ROR2: variants seen among roughly 807,000 people sequenced by gnomAD.
ROR2 encodes the protein ROR family WNT receptor 2.
A neutral mutation model predicts 74.9 loss-of-function variants in ROR2; 33 were observed. The observed-to-expected ratio is 0.44, with a 90% CI of 0.33 to 0.59. ROR2 has a LOEUF of 0.59. ROR2 is among the 20% of genes least tolerant of loss of function. The pLI is 0.02. For missense variants in ROR2, 1,216 were observed against 1,313.8 expected, an observed-to-expected ratio of 0.93 and a Z score of 1.15; for synonymous variants, 586 against 558.7, an observed-to-expected ratio of 1.05 and a Z score of -0.69.
intron 1 of ROR2, among the ~76,000 whole-genome samples, chr9:91,882,325 C>A (rs1830135534): frequency 6.6e-6 from 1 of 151,396 alleles, no homozygotes; most frequent in Non-Finnish European, 1.5e-5. Flanking sequence ...GCAGGAGAAT[C>A]ACTTGAACCC....
intron 1 of ROR2, among the ~76,000 whole-genome samples, chr9:91,799,381 C>T (rs141246271): frequency 3.9e-5 from 6 of 152,296 alleles, no homozygotes; most frequent in Admixed American, 1.3e-4. Context: ...TGGACAGTGC[C>T]GAGACGGGGG....
intron 1 of ROR2, among the ~76,000 whole-genome samples, chr9:91,815,234 T>G (rs768216097): frequency 5.9e-5 from 9 of 152,224 alleles, no homozygotes; most frequent in Non-Finnish European, 8.8e-5. Flanking sequence ...ATAAATGATA[T>G]GCATTACATT....
chr9:91,760,897 T>C (rs1479896959), intron 2 of ROR2, among the ~76,000 whole-genome samples: 1 of 152,176 alleles, frequency 6.6e-6, no homozygotes, highest in African/African-American at 2.4e-5. Context: ...TATTTTTAGG[T>C]AGATTTCTAG....
chr9:91,792,516 G>C (rs997284306), intron 1 of ROR2, among the ~76,000 whole-genome samples: 3 of 152,092 alleles, frequency 2.0e-5, no homozygotes, highest in Non-Finnish European at 2.9e-5. Flanking sequence ...CACCGTGTTA[G>C]CCAAGATGGT....
At chr9:91,930,475 T>G (rs114066081) in intron 1 of ROR2, among the ~76,000 whole-genome samples, 2,173 of 152,344 alleles carry the variant, frequency 0.014, 64 homozygotes, top group African/African-American at 0.049. Context: ...TAAAAACCCC[T>G]TCTCTCCTTT....
rs1027690845 is a variant in ROR2, at chr9:91,905,117, CAT to C, written c.97+44748_97+44749del. ...CACAAAACTCATACACCACAAACCACATATCACACACACACCCCCCACACAAA... is the reference window on the plus strand; with the variant it reads ...CACAAAACTCATACACCACAAACCACATCACACACACACCCCCCACACAAA... On this transcript the variant is annotated intron_variant, in intron 1 of 8. Transcript: ENST00000375708. The surrounding 1 kb of genome is among the most constrained non-coding windows in gnomAD (Gnocchi z 5.3). Among the ~76,000 whole-genome samples, 3 of 151,546 alleles carry C rather than the reference CAT, an allele frequency of 2.0e-5. No individual in the cohort carries two copies. The highest frequency in any genetic ancestry group is 2.9e-5 in the Non-Finnish European group (2 of 67,890).
At chr9:91,751,586 A>C (rs1248172925) in intron 4 of ROR2, among the ~76,000 whole-genome samples, 1 of 152,226 alleles carries the variant, frequency 6.6e-6, no homozygotes, top group East Asian at 1.9e-4. Context: ...AATATTAAAA[A>C]TAGAGAACTA....
At chr9:91,741,857 CTT>C (rs1238888233) in intron 4 of ROR2, among the ~76,000 whole-genome samples, 1 of 152,186 alleles carries the variant, frequency 6.6e-6, no homozygotes, top group African/African-American at 2.4e-5. Flanking sequence ...ACTCAATACT[CTT>C]TACTTTGAAT....
chr9:91,794,611 GTC>G (rs1371850573), intron 1 of ROR2, among the ~76,000 whole-genome samples: 1 of 152,012 alleles, frequency 6.6e-6, no homozygotes, highest in Non-Finnish European at 1.5e-5. Flanking sequence ...TTGAGGCAGA[GTC>G]TCTGTCACCC....
intron 1 of ROR2, among the ~76,000 whole-genome samples, chr9:91,884,930 G>A (rs1830228509): frequency 1.3e-5 from 2 of 152,104 alleles, no homozygotes; most frequent in African/African-American, 4.8e-5. Flanking sequence ...AGTTGGTTGG[G>A]GAGACCATTT....
rs141222129 is a variant in ROR2 at position 91,903,371 on chromosome 9, T to C, written c.97+46496A>G. 2.2e-3 allele frequency among the ~76,000 whole-genome samples: 339 copies of C among 152,172 alleles called. 1 individual carries two copies. The highest frequency in any genetic ancestry group is 7.9e-3 in the African/African-American group (327 of 41,526). ...TGGGAAGGGTGATCTGCTCCAGTTC[T>C]TCCCATCGGGCATCAACTCACTTCT... On this transcript the variant is annotated intron_variant, in intron 1 of 8. Coordinates refer to ENST00000375708, the MANE Select transcript of ROR2 (RefSeq NM_004560.4).
chr9:91,900,732 TA>T (rs1210659865), intron 1 of ROR2, among the ~76,000 whole-genome samples: 3 of 152,168 alleles, frequency 2.0e-5, no homozygotes, highest in Non-Finnish European at 4.4e-5. Context: ...ACCACAGGCT[TA>T]AAAGTCCTTC....
At chr9:91,882,878 C>T (rs1830158095) in intron 1 of ROR2, among the ~76,000 whole-genome samples, 1 of 152,172 alleles carries the variant, frequency 6.6e-6, no homozygotes, top group African/African-American at 2.4e-5. Context: ...CTGGGACTTC[C>T]AGCCTTCAGA....
chr9:91,803,735 C>T (rs889417515), intron 1 of ROR2, among the ~76,000 whole-genome samples: 3 of 152,216 alleles, frequency 2.0e-5, no homozygotes, highest in Admixed American at 6.5e-5. Context: ...GGGCCCACAG[C>T]CCTACGTGGG....
chr9:91,754,253 A>G (rs922853303), intron 4 of ROR2, among the ~76,000 whole-genome samples: 1 of 150,532 alleles, frequency 6.6e-6, no homozygotes, highest in Admixed American at 6.6e-5. Flanking sequence ...TAATATTTGT[A>G]TAATTATAGC....
At chr9:91,867,466 T>C (rs2119321317) in intron 1 of ROR2, among the ~76,000 whole-genome samples, 1 of 152,222 alleles carries the variant, frequency 6.6e-6, no homozygotes, top group Non-Finnish European at 1.5e-5. Context: ...CTCAACTGTT[T>C]TTCTGAGACG....
rs368376355 is a variant in ROR2, at chr9:91,751,874, A to G, written c.494+4197T>C. On this transcript the variant is annotated intron_variant, in intron 4 of 8. Coordinates refer to ENST00000375708, the MANE Select transcript of ROR2 (RefSeq NM_004560.4). ...AAACAGCCCATATTCACTAATAATAATGCAACAAAAATCAGAAAACAGTAT... is the reference window on the plus strand; with the variant it reads ...AAACAGCCCATATTCACTAATAATAGTGCAACAAAAATCAGAAAACAGTAT... 6.6e-5 allele frequency among the ~76,000 whole-genome samples: 10 copies of G among 152,378 alleles called. No individual in the cohort carries two copies. The East Asian group carries it at 1.3e-3, about 21-fold the overall frequency.
chr9:91,833,511 C>T (rs1354338951), intron 1 of ROR2, among the ~76,000 whole-genome samples: 1 of 152,184 alleles, frequency 6.6e-6, no homozygotes, highest in Non-Finnish European at 1.5e-5. Context: ...CTCCCAGTCC[C>T]ACCACCAGCA....
Position 91,757,372 on chromosome 9 carries a change from T to G in ROR2, c.363A>C (p.Arg121=). 1 of 1,613,990 alleles carries G rather than the reference T, an allele frequency of 6.2e-7. No homozygotes were observed. The highest frequency in any genetic ancestry group is 8.5e-7 in the Non-Finnish European group (1 of 1,179,998). Residue 121 remains arginine, a synonymous_variant, in exon 3 of 9, where the codon CGA becomes CGC. Coordinates refer to ENST00000375708, the MANE Select transcript of ROR2 (RefSeq NM_004560.4). The part of the protein sequence containing the change: ...IRKTEYGSRL[R]IQDLDTTDTG... Reference sequence around the variant, plus strand: ...TGTCTGTCGTGTCCAGGTCCTGGATTCGCAGTCGTGAACCATATTCTGTCT... The same window carrying G: ...TGTCTGTCGTGTCCAGGTCCTGGATGCGCAGTCGTGAACCATATTCTGTCT...
Sources: allele counts gnomAD v4.1 joint callset (sites outside exome capture counted in the v4.1 genomes callset), GRCh38; gene constraint gnomAD v4.1.1; non-coding constraint Gnocchi (gnomAD v3.1); transcripts MANE v1.5; gene names NCBI Gene and HGNC (gene_info 2026-07-23, HGNC 2026-07-21).